The following SRRM4 variants were observed in gnomAD, a reference collection of about 807,000 sequenced individuals.
SRRM4 encodes the protein serine/arginine repetitive matrix protein 4.
Under a neutral mutation model 68.9 loss-of-function variants are expected in SRRM4, and 33 were observed. That is an observed-to-expected ratio of 0.48 (90% CI 0.36 to 0.64). SRRM4 has a LOEUF of 0.64. Among genes scored for constraint, SRRM4 ranks in the 30% least tolerant of loss-of-function variants. The probability of loss-of-function intolerance (pLI) is 0.00; values close to 1 mark genes in which losing one functional copy is unlikely to be tolerated. For missense variants in SRRM4, 817 were observed against 827.1 expected (o/e 0.99, Z 0.15); for synonymous variants, 318 against 318.8 (o/e 1.00, Z 0.03).
At chr12:119,047,498 C>T (rs563963048) in intron 1 of SRRM4, among the ~76,000 whole-genome samples, 1 of 152,210 alleles carries the variant, frequency 6.6e-6, no homozygotes, top group African/African-American at 2.4e-5. Context: ...CACCCTTTTT[C>T]CCCAAGTCCC....
intron 7 of SRRM4, among the ~76,000 whole-genome samples, chr12:119,129,538 T>C (rs1565915278): frequency 6.6e-6 from 1 of 152,206 alleles, no homozygotes; most frequent in Admixed American, 6.5e-5. Flanking sequence ...GTTACATTTA[T>C]AGACAAACAC....
At chr12:119,015,981 G>A (rs781410222) in intron 1 of SRRM4, among the ~76,000 whole-genome samples, 2 of 151,938 alleles carry the variant, frequency 1.3e-5, no homozygotes, top group Non-Finnish European at 2.9e-5. Flanking sequence ...TTTGGAAACT[G>A]CGTCACTGTG....
chr12:119,016,641 C>T (rs1459945397), intron 1 of SRRM4, among the ~76,000 whole-genome samples: 1 of 152,156 alleles, frequency 6.6e-6, no homozygotes, highest in African/African-American at 2.4e-5. Context: ...CCTTGCAGAT[C>T]CCTGTTCCAT....
intron 1 of SRRM4, among the ~76,000 whole-genome samples, chr12:119,070,730 A>G (rs1160080036): frequency 2.0e-5 from 3 of 152,228 alleles, no homozygotes; most frequent in Non-Finnish European, 4.4e-5. Flanking sequence ...TGCTGCTTTC[A>G]TATCTATTCA....
chr12:119,134,122 A>G lies in SRRM4; in HGVS notation c.771+3288A>G, dbSNP rs1954313687. 2.0e-5 allele frequency among the ~76,000 whole-genome samples: 3 copies of G among 152,186 alleles called. No homozygotes were observed. The South Asian group carries it at 6.2e-4, about 31-fold the overall frequency. On this transcript the variant is annotated intron_variant, in intron 8 of 12. Transcript: ENST00000267260. Reference sequence around the variant, plus strand: ...TTTTCTATGCCATATTTGGTTACAGATATTTCACATGCACAGCTTTTTTAA... The same window carrying G: ...TTTTCTATGCCATATTTGGTTACAGGTATTTCACATGCACAGCTTTTTTAA...
In SRRM4 at chr12:119,106,419, T is replaced by A. The variant is rs529650512; in HGVS notation, c.278+4037T>A. On this transcript the variant is annotated intron_variant, in intron 2 of 12. Transcript: ENST00000267260. ...TTGGGCAGTATGGCCATTTTCATGA[T>A]ATTGATTCTTCCTATCCATGAGCAT... Among the ~76,000 whole-genome samples, 1,150 of 152,270 alleles carry A rather than the reference T, an allele frequency of 7.6e-3. 22 individuals are homozygous for A. The highest frequency in any genetic ancestry group is 0.026 in the African/African-American group (1,090 of 41,528).
intron 1 of SRRM4, among the ~76,000 whole-genome samples, chr12:119,000,569 T>C (rs1953377680): frequency 6.6e-6 from 1 of 152,118 alleles, no homozygotes; most frequent in African/African-American, 2.4e-5. Flanking sequence ...TTAGTCAGAA[T>C]TGGTTTAAAC....
At chr12:119,088,531 TATC>T (rs1258161219) in intron 1 of SRRM4, among the ~76,000 whole-genome samples, 3 of 152,218 alleles carry the variant, frequency 2.0e-5, no homozygotes, top group African/African-American at 7.2e-5. Context: ...CGTAAGGTAT[TATC>T]ATCCTCATCT....
At chr12:118,988,961 T>C (rs544039071) in intron 1 of SRRM4, among the ~76,000 whole-genome samples, 13 of 152,270 alleles carry the variant, frequency 8.5e-5, no homozygotes, top group African/African-American at 3.1e-4. Flanking sequence ...GCAAAGGCCC[T>C]GAGGTAGAAG....
intron 1 of SRRM4, among the ~76,000 whole-genome samples, chr12:119,016,228 T>C (rs1349044408): frequency 6.6e-6 from 1 of 152,098 alleles, no homozygotes; most frequent in Non-Finnish European, 1.5e-5. Context: ...AACAACACCT[T>C]GATTTTGGAT....
At chr12:118,992,849 T>C (rs978892220) in intron 1 of SRRM4, among the ~76,000 whole-genome samples, 2 of 152,158 alleles carry the variant, frequency 1.3e-5, no homozygotes, top group African/African-American at 2.4e-5. Flanking sequence ...GTGCCAAAGC[T>C]GTAGCTAAAA....
intron 1 of SRRM4, among the ~76,000 whole-genome samples, chr12:119,092,796 A>G (rs539803770): frequency 6.6e-6 from 1 of 152,174 alleles, no homozygotes; most frequent in South Asian, 2.1e-4. Context: ...CTATCCAATG[A>G]AGCCTCCAAT....
rs1297245597 is a variant in SRRM4, at chr12:119,160,300, TC to T, written c.*3503del. On this transcript the variant is annotated 3_prime_UTR_variant, in exon 13 of 13. Transcript: ENST00000267260. Reference sequence around the variant, plus strand: ...CTGTCTCTCTCTCTGTCTCTCTCTCTCTCTCTCTCTCTCTCTCTCTCTCAGT... The same window carrying T: ...CTGTCTCTCTCTCTGTCTCTCTCTCTTCTCTCTCTCTCTCTCTCTCTCAGT... 1 of 64,874 alleles carries T rather than the reference TC, an allele frequency of 1.5e-5. No homozygotes were observed. The highest frequency in any genetic ancestry group is 3.9e-5 in the Non-Finnish European group (1 of 25,798). 4.0% of individuals were successfully genotyped at this position (64,874 alleles called of 1,614,324 possible). A position where few individuals can be genotyped will look rare whatever the true frequency, so the allele number is the denominator to read the frequency against.
At chr12:119,082,165 G>A (rs1028556355) in intron 1 of SRRM4, among the ~76,000 whole-genome samples, 2 of 152,036 alleles carry the variant, frequency 1.3e-5, no homozygotes, top group African/African-American at 4.8e-5. Flanking sequence ...CAGAGAGTGG[G>A]CTGAACTCCC....
chr12:119,110,813 C>T (rs191897975), intron 2 of SRRM4, among the ~76,000 whole-genome samples: 60 of 152,256 alleles, frequency 3.9e-4, no homozygotes, highest in Non-Finnish European at 7.4e-4. Flanking sequence ...GCTCATGCTC[C>T]GTGGGCTGCA....
intron 1 of SRRM4, among the ~76,000 whole-genome samples, chr12:118,990,996 G>A (rs1953313143): frequency 6.6e-6 from 1 of 152,084 alleles, no homozygotes. Context: ...GTAGAGACAG[G>A]GTTTCACCAT....
At chr12:119,128,658 G>T (rs556200538) in intron 7 of SRRM4, among the ~76,000 whole-genome samples, 32 of 152,304 alleles carry the variant, frequency 2.1e-4, no homozygotes, top group African/African-American at 7.7e-4. Context: ...TGGGCAAAGG[G>T]ATCTGAGCGA....
At chr12:119,156,373 T>C (rs1354318088) in intron 12 of SRRM4, 122 bp from the exon 13 acceptor site, 28 of 1,406,666 alleles carry the variant, frequency 2.0e-5, no homozygotes, top group Non-Finnish European at 2.4e-5. Flanking sequence ...GGAAAGGGAG[T>C]ATTTTTTCCT....
chr12:119,025,628 C>G (rs1443497685), intron 1 of SRRM4, among the ~76,000 whole-genome samples: 35 of 151,644 alleles, frequency 2.3e-4, no homozygotes, highest in African/African-American at 8.5e-4. Context: ...ATTTTTAGTA[C>G]AGACAGGGTT....
Sources: allele counts gnomAD v4.1 joint callset (sites outside exome capture counted in the v4.1 genomes callset), GRCh38; gene constraint gnomAD v4.1.1; transcripts MANE v1.5; gene names NCBI Gene and HGNC (gene_info 2026-07-23, HGNC 2026-07-21).